Variants in ADGRB1 observed in about 807,000 individuals in gnomAD.
ADGRB1 encodes adhesion G protein-coupled receptor B1.
A neutral mutation model predicts 175.7 loss-of-function variants in ADGRB1; 36 were observed. The ratio of observed to expected loss-of-function variants is 0.20; its 90% CI spans 0.16 to 0.27. ADGRB1 has a LOEUF of 0.27. ADGRB1 is among the 10% of genes least tolerant of loss of function. The pLI is 1.00. For missense variants in ADGRB1, 1,731 were observed against 2,255.3 expected (o/e 0.77, Z 4.71); for synonymous variants, 1,054 against 979.4 (o/e 1.08, Z -1.42).
rs1164595706 is a variant in ADGRB1 at position 142,544,311 on chromosome 8, C to T, written c.4649C>T (p.Pro1550Leu). The T allele has an allele frequency of 9.7e-6, 15 of 1,548,890 alleles. 1 individual carries two copies. The highest frequency in any genetic ancestry group is 7.3e-5 in the East Asian group (3 of 40,896). The part of the protein sequence containing the change: ...TPTWVKKELE[P>L]LQPSPLELRS... ...ACGTGGGTGAAGAAGGAGCTGGAGCCGCTGCAGCCGTCGCCGCTGGAGCTT... is the reference window on the plus strand; with the variant it reads ...ACGTGGGTGAAGAAGGAGCTGGAGCTGCTGCAGCCGTCGCCGCTGGAGCTT... Residue 1550 changes from proline to leucine, a missense_variant, in exon 31 of 31, where the codon CCG becomes CTG. Transcript: ENST00000517894.
At position 142,464,330 on chromosome 8, in the gene ADGRB1, C is replaced by T; in HGVS notation, c.132C>T (p.Ala44=). 6.7e-7 allele frequency: 1 copy of T among 1,499,000 alleles called. No individual in the cohort carries two copies. Among genetic ancestry groups the T allele is most frequent in the Non-Finnish European group, 8.8e-7 (1 of 1,130,440 alleles). The allele number at this position is 1,499,000 out of a possible 1,614,324, so 92.9% of individuals were successfully genotyped here. Residue 44 remains alanine, a synonymous_variant, in exon 2 of 31, where the codon GCC becomes GCT. Coordinates refer to ENST00000517894, the MANE Select transcript of ADGRB1 (RefSeq NM_001702.3). ...CGGGGCCCGGGCCCGAGCCGTGCGC[C>T]ACGCTGGTGCAGGGAAAGTTCTTCG... ...ADAGPGPEPC[A]TLVQGKFFGY...
intron 27 of ADGRB1, among the ~76,000 whole-genome samples, chr8:142,541,459 C>T (rs192854766): frequency 5.3e-5 from 8 of 152,288 alleles, no homozygotes; most frequent in Non-Finnish European, 1.2e-4. Flanking sequence ...GACAGAGGGC[C>T]AGGGCCTCGT....
chr8:142,464,218 C>T lies in ADGRB1; in HGVS notation c.20C>T (p.Ala7Val), dbSNP rs1840118393. 3.8e-6 allele frequency: 5 copies of T among 1,300,420 alleles called. No homozygotes were observed. The highest frequency in any genetic ancestry group is 3.9e-6 in the Non-Finnish European group (4 of 1,031,264). 80.6% of individuals were successfully genotyped at this position (1,300,420 alleles called of 1,614,324 possible). Residue 7 changes from alanine to valine, a missense_variant, in exon 2 of 31, where the codon GCC (alanine) becomes GTC (valine). By Grantham distance (64) the Ala-to-Val change is moderately conservative. This residue lies in a region of ADGRB1 where 383 missense variants were observed against 383.1 expected (regional missense o/e 1.00). Coordinates refer to ENST00000517894, the MANE Select transcript of ADGRB1 (RefSeq NM_001702.3). MRGQAA[A>V]PGPVWILAPL... is the part of the protein sequence containing the mutation. ...GCTAGGATGAGGGGCCAGGCCGCCG[C>T]CCCGGGCCCCGTCTGGATCCTCGCC...
At chr8:142,522,213 C>T (rs1293144925) in intron 21 of ADGRB1, 98 bp downstream of exon 21, 2 of 1,483,596 alleles carry the variant, frequency 1.3e-6, no homozygotes, top group Non-Finnish European at 9.0e-7. Context: ...CCCCTGTGGA[C>T]CCCTGGGGCC....
chr8:142,510,330 G>A lies in ADGRB1; in HGVS notation c.2676-602G>A, dbSNP rs1371389923. Among the ~76,000 whole-genome samples the A allele has an allele frequency of 2.0e-5, 3 of 151,966 alleles. No individual in the cohort carries two copies. Among genetic ancestry groups the A allele is most frequent in the Admixed American group, 6.5e-5 (1 of 15,276 alleles). ...GAAGGCTGTGTCTGTCCCAGGAGATGAGCCGCAGGCACCAGGGGTGATGAG... is the reference window on the plus strand; with the variant it reads ...GAAGGCTGTGTCTGTCCCAGGAGATAAGCCGCAGGCACCAGGGGTGATGAG... On this transcript the variant is annotated intron_variant, in intron 17 of 30. Transcript: ENST00000517894. This position sits in a 1 kb window ranked among gnomAD's most constrained non-coding sequence, Gnocchi z 6.3.
intron 17 of ADGRB1, among the ~76,000 whole-genome samples, chr8:142,495,562 G>A (rs549413231): frequency 6.6e-6 from 1 of 152,236 alleles, no homozygotes; most frequent in African/African-American, 2.4e-5. Context: ...AAAGGCTCTA[G>A]GAAAGATTCC....
In ADGRB1 at chr8:142,504,734, G is replaced by T. The variant is rs34071546; in HGVS notation, c.2676-6198G>T. Among the ~76,000 whole-genome samples, 22,769 of 151,938 alleles carry T rather than the reference G, an allele frequency of 0.15. 3,777 individuals are homozygous for T. The highest frequency in any genetic ancestry group is 0.42 in the African/African-American group (17,201 of 41,292). On this transcript the variant is annotated intron_variant, in intron 17 of 30. Coordinates refer to ENST00000517894, the MANE Select transcript of ADGRB1 (RefSeq NM_001702.3). The surrounding 1 kb of genome is among the most constrained non-coding windows in gnomAD (Gnocchi z 5.6). ...CATGACTAAGGGGCTTGTACCTAGGGGTGATCGAGCCGCGTGTTGGTTTAA... is the reference window on the plus strand; with the variant it reads ...CATGACTAAGGGGCTTGTACCTAGGTGTGATCGAGCCGCGTGTTGGTTTAA...
At chr8:142,514,375 C>A (rs114963901) in intron 18 of ADGRB1, among the ~76,000 whole-genome samples, 2 of 152,136 alleles carry the variant, frequency 1.3e-5, no homozygotes, top group South Asian at 4.1e-4. Context: ...GCGCAGATGC[C>A]GGCTCTGCGG....
In ADGRB1 at chr8:142,464,472, C is replaced by G. The variant is rs756400853; in HGVS notation, c.274C>G (p.Pro92Ala). The change falls in exon 2 of 31, where the codon CCC (proline) becomes GCC (alanine). Residue 92 changes from proline to alanine, a missense_variant. Pro to Ala is a conservative substitution (Grantham distance 27). This residue lies in a region of ADGRB1 where 383 missense variants were observed against 383.1 expected (regional missense o/e 1.00). Transcript: ENST00000517894. ...LYMKVAKAPV[P>A]CSGPGRVRTY... ...CATGAAGGTGGCCAAGGCGCCCGTGCCCTGCAGCGGCCCCGGCCGCGTGCG... is the reference window on the plus strand; with the variant it reads ...CATGAAGGTGGCCAAGGCGCCCGTGGCCTGCAGCGGCCCCGGCCGCGTGCG... The G allele has an allele frequency of 6.3e-7, 1 of 1,582,130 alleles. No homozygotes were observed. The highest frequency in any genetic ancestry group is 2.3e-5 in the East Asian group (1 of 42,904).
At chr8:142,498,700 A>G (rs1027388779) in intron 17 of ADGRB1, among the ~76,000 whole-genome samples, 1 of 152,174 alleles carries the variant, frequency 6.6e-6, no homozygotes, top group East Asian at 1.9e-4. Flanking sequence ...GCAAGGGCCC[A>G]GGGCCGCTGC....
At position 142,477,216 on chromosome 8, in the gene ADGRB1, G is replaced by T; in HGVS notation, c.1160G>T (p.Ser387Ile). 6.3e-7 allele frequency: 1 copy of T among 1,598,454 alleles called. No homozygotes were observed. ...CGCTTCTGCGTGTCCTCCTCCTACA[G>T]CACGCAGTGCAGCGGACCCCTGCGC... ...RTRFCVSSSYSTQCSGPLREQ... is the reference protein window; with the variant it reads ...RTRFCVSSSYITQCSGPLREQ... The change falls in exon 5 of 31, where the codon AGC becomes ATC. Residue 387 changes from serine to isoleucine, a missense_variant. Around this residue, in one of 8 missense-constraint regions of ADGRB1, gnomAD observed 178 missense variants for 227.8 expected, o/e 0.78. Transcript: ENST00000517894.
chr8:142,523,872 G>C (rs1844017976), intron 22 of ADGRB1, among the ~76,000 whole-genome samples: 1 of 152,098 alleles, frequency 6.6e-6, no homozygotes, highest in South Asian at 2.1e-4. Context: ...ATCGCGTCAG[G>C]AAGGAGGGTC....
intron 4 of ADGRB1, 150 bp from the exon 5 acceptor site, chr8:142,476,964 T>A: frequency 8.6e-7 from 1 of 1,167,256 alleles, no homozygotes; most frequent in South Asian, 1.6e-5. Flanking sequence ...GGCCAGTTCT[T>A]GAGATCAGCC....
At chr8:142,534,439 G>A (rs762613958) in intron 25 of ADGRB1, among the ~76,000 whole-genome samples, 2 of 152,210 alleles carry the variant, frequency 1.3e-5, no homozygotes, top group African/African-American at 2.4e-5. Context: ...TGGGGATGCC[G>A]CCTGGAAACA....
intron 13 of ADGRB1, among the ~76,000 whole-genome samples, chr8:142,487,182 C>A (rs962146726): frequency 2.0e-5 from 3 of 152,188 alleles, no homozygotes; most frequent in African/African-American, 7.2e-5. Flanking sequence ...CCACAGCCCA[C>A]CCTGGTGCCC....
rs762386649 is a variant in ADGRB1, at chr8:142,495,053, G to A, written c.2675+4238G>A. On this transcript the variant is annotated intron_variant, in intron 17 of 30. Transcript: ENST00000517894. ...GTCTGTATCCCTAGAATTGAGCCCT[G>A]ACCCAGTGAGAATCAACAGTGGTTT... Among the ~76,000 whole-genome samples, 58 of 152,196 alleles carry A rather than the reference G, an allele frequency of 3.8e-4. 1 individual carries two copies. Among genetic ancestry groups the A allele is most frequent in the Admixed American group, 7.9e-4 (12 of 15,276 alleles).
In ADGRB1 at chr8:142,542,943, G is replaced by A. The variant is rs1227184524; in HGVS notation, c.4413+296G>A. On this transcript the variant is annotated intron_variant, in intron 28 of 30. Transcript: ENST00000517894. This position sits in a 1 kb window ranked among gnomAD's most constrained non-coding sequence, Gnocchi z 6.3. The stretch of plus-strand genomic sequence containing the variant: ...AGTCGCTAGTCCAGCCCTTGGGGCA[G>A]CCTGGCAGCACATACCTGCCTAGGT... Among the ~76,000 whole-genome samples the A allele has an allele frequency of 6.6e-6, 1 of 152,210 alleles. No individual in the cohort carries two copies. Among genetic ancestry groups the A allele is most frequent in the East Asian group, 1.9e-4 (1 of 5,186 alleles).
intron 20 of ADGRB1, among the ~76,000 whole-genome samples, chr8:142,521,609 G>A (rs1436847462): frequency 1.3e-5 from 2 of 152,266 alleles, no homozygotes; most frequent in African/African-American, 4.8e-5. Context: ...GACTTGCTGT[G>A]TGTCCTTGGG....
chr8:142,502,429 G>A (rs1842649120), intron 17 of ADGRB1, among the ~76,000 whole-genome samples: 13 of 30,670 alleles, frequency 4.2e-4, no homozygotes, highest in East Asian at 1.4e-3. Context: ...GATGGTGGTG[G>A]TGGTGGTAGT....
Sources: gnomAD v4.1 joint callset for allele counts (sites outside exome capture counted in the v4.1 genomes callset) on GRCh38, gnomAD v4.1.1 for gene constraint, gnomAD v4.1.1 regional missense constraint, Gnocchi (gnomAD v3.1) non-coding constraint, MANE v1.5 for transcripts, NCBI Gene and HGNC (gene_info 2026-07-23, HGNC 2026-07-21) for gene names.